Variants in KIAA1549L observed in about 807,000 individuals in gnomAD.
The protein encoded by KIAA1549L is KIAA1549 like, also known as UPF0606 protein KIAA1549L.
In KIAA1549L, 88 loss-of-function variants were observed where a neutral mutation model predicts 160.7. That is an observed-to-expected ratio of 0.55 (90% CI 0.46 to 0.65). The LOEUF (loss-of-function observed/expected upper bound fraction) is 0.65. Among genes scored for constraint, KIAA1549L ranks in the 30% least tolerant of loss-of-function variants. The pLI, the probability that KIAA1549L is intolerant of heterozygous loss-of-function variation, is 0.00. For missense variants in KIAA1549L, 2,258 were observed against 2,437.5 expected, an observed-to-expected ratio of 0.93 and a Z score of 1.55; for synonymous variants, 950 against 976.7, an observed-to-expected ratio of 0.97 and a Z score of 0.51.
intron 1 of KIAA1549L, among the ~76,000 whole-genome samples, chr11:33,475,692 T>G (rs1046066938): frequency 2.3e-5 from 3 of 129,238 alleles, no homozygotes; most frequent in Non-Finnish European, 4.8e-5. Context: ...CATCTCGCTC[T>G]CTCAAAAAAA....
chr11:33,625,308 G>A (rs1200497005), intron 16 of KIAA1549L, among the ~76,000 whole-genome samples: 2 of 152,028 alleles, frequency 1.3e-5, no homozygotes, highest in Non-Finnish European at 2.9e-5. Flanking sequence ...GGTATTTCTA[G>A]TTCTATATCC....
chr11:33,493,648 A>G (rs1402496585), intron 1 of KIAA1549L, among the ~76,000 whole-genome samples: 7 of 152,210 alleles, frequency 4.6e-5, no homozygotes, highest in Non-Finnish European at 8.8e-5. Context: ...ATAATGATGG[A>G]GAATTGTCAT....
chr11:33,486,658 T>A (rs1375190534), intron 1 of KIAA1549L, among the ~76,000 whole-genome samples: 1 of 152,220 alleles, frequency 6.6e-6, no homozygotes, highest in East Asian at 1.9e-4. Context: ...TTTTACTTTG[T>A]CTTTTCATGA....
intron 16 of KIAA1549L, among the ~76,000 whole-genome samples, chr11:33,642,689 G>C (rs148900164): frequency 1.4e-5 from 2 of 142,528 alleles, no homozygotes; most frequent in African/African-American, 5.6e-5. Flanking sequence ...GCAGGTAATC[G>C]GAATGAGTCA....
rs139064031 is a variant in KIAA1549L, at chr11:33,537,853, T to G, written c.239-3949T>G. On this transcript the variant is annotated intron_variant, in intron 1 of 20. Coordinates refer to ENST00000658780, the MANE Select transcript of KIAA1549L (RefSeq NM_012194.3). ...CCTTAGTTTTATCTTGGATCAGTCA[T>G]TTGAATTTTGCATTCTACTCAAGAA... Among the ~76,000 whole-genome samples, 4 of 152,330 alleles carry G rather than the reference T, an allele frequency of 2.6e-5. No homozygotes were observed. In the East Asian group the frequency reaches 5.8e-4, roughly 22 times the overall value.
At chr11:33,649,805 T>C (rs1376777366) in intron 17 of KIAA1549L, among the ~76,000 whole-genome samples, 7 of 150,144 alleles carry the variant, frequency 4.7e-5, no homozygotes, top group South Asian at 2.1e-4. Flanking sequence ...AGTTGGAGAA[T>C]TGCTTGAGCC....
intron 1 of KIAA1549L, among the ~76,000 whole-genome samples, chr11:33,530,710 G>A (rs1167584158): frequency 6.6e-6 from 1 of 151,778 alleles, no homozygotes; most frequent in Non-Finnish European, 1.5e-5. Context: ...CCCAAAAGAG[G>A]TCATTGTGGC....
rs1852592066 is a variant in KIAA1549L at position 33,488,893 on chromosome 11, G to GA, written c.239-52908dup. Among the ~76,000 whole-genome samples the GA allele has an allele frequency of 2.0e-5, 3 of 152,140 alleles. No homozygotes were observed. In the South Asian group the frequency reaches 6.2e-4, roughly 32 times the overall value. On this transcript the variant is annotated intron_variant, in intron 1 of 20. Transcript: ENST00000658780. Reference sequence around the variant, plus strand: ...CCCAGTTTGCATGCAACAGTGCTTGGATGTGAACTAGGTCCTGACTTCAGA... The same window carrying GA: ...CCCAGTTTGCATGCAACAGTGCTTGGAATGTGAACTAGGTCCTGACTTCAGA...
At chr11:33,584,479 G>C (rs1437346598) in intron 11 of KIAA1549L, among the ~76,000 whole-genome samples, 1 of 152,218 alleles carries the variant, frequency 6.6e-6, no homozygotes, top group Non-Finnish European at 1.5e-5. Flanking sequence ...CAGTGACTGG[G>C]AAAGAAATGG....
At chr11:33,469,618 A>G (rs1018609329) in intron 1 of KIAA1549L, among the ~76,000 whole-genome samples, 1 of 152,196 alleles carries the variant, frequency 6.6e-6, no homozygotes. Flanking sequence ...AAGAGGCTGC[A>G]CCATTTTAGA....
intron 1 of KIAA1549L, among the ~76,000 whole-genome samples, chr11:33,397,708 TCTCACACACACACACA>T (rs1311451400): frequency 0.021 from 2,071 of 98,942 alleles, 54 homozygotes; most frequent in African/African-American, 0.069. Context: ...CGAGACTCCA[TCTCACACACACACACA>T]CACACACACA....
intron 1 of KIAA1549L, among the ~76,000 whole-genome samples, chr11:33,463,715 A>C (rs765662892): frequency 1.3e-4 from 20 of 152,228 alleles, no homozygotes; most frequent in Non-Finnish European, 2.4e-4. Context: ...CTTACTCTCT[A>C]TGATGTCTTT....
At chr11:33,483,194 T>C (rs1852449264) in intron 1 of KIAA1549L, among the ~76,000 whole-genome samples, 1 of 152,210 alleles carries the variant, frequency 6.6e-6, no homozygotes, top group Admixed American at 6.5e-5. Context: ...ACCTAGTTAA[T>C]AGTGCCATCG....
chr11:33,619,378 C>T (rs1850902286), intron 16 of KIAA1549L, among the ~76,000 whole-genome samples: 1 of 152,158 alleles, frequency 6.6e-6, no homozygotes, highest in African/African-American at 2.4e-5. Context: ...GTGTTTCCTT[C>T]CCATTCCCCT....
chr11:33,474,344 A>G (rs536570407), intron 1 of KIAA1549L, among the ~76,000 whole-genome samples: 10 of 152,336 alleles, frequency 6.6e-5, no homozygotes, highest in Admixed American at 4.6e-4. Flanking sequence ...CATATCTTTC[A>G]TTATGCAGCA....
intron 16 of KIAA1549L, among the ~76,000 whole-genome samples, chr11:33,625,781 A>G (rs557907545): frequency 1.3e-5 from 2 of 152,192 alleles, no homozygotes; most frequent in African/African-American, 2.4e-5. Context: ...CCATTTGTCA[A>G]TTTTGGCTTT....
At chr11:33,391,863 G>A (rs944074636) in intron 1 of KIAA1549L, among the ~76,000 whole-genome samples, 1 of 152,130 alleles carries the variant, frequency 6.6e-6, no homozygotes, top group African/African-American at 2.4e-5. Context: ...TTCCCATGGG[G>A]CATAGCAAGA....
intron 16 of KIAA1549L, among the ~76,000 whole-genome samples, chr11:33,625,972 A>G (rs1225400019): frequency 6.7e-6 from 1 of 149,636 alleles, no homozygotes; most frequent in Admixed American, 6.6e-5. Flanking sequence ...TCAGCTTTCT[A>G]CATATGGCTA....
chr11:33,651,358 A>T (rs973169467), intron 17 of KIAA1549L, among the ~76,000 whole-genome samples: 3 of 151,276 alleles, frequency 2.0e-5, no homozygotes, highest in African/African-American at 4.9e-5. Context: ...AATTGCTTGA[A>T]CCTGGGAGGC....
Sources: allele counts gnomAD v4.1 joint callset (sites outside exome capture counted in the v4.1 genomes callset), GRCh38; gene constraint gnomAD v4.1.1; transcripts MANE v1.5; gene names NCBI Gene and HGNC (gene_info 2026-07-23, HGNC 2026-07-21).